HBS1L: variants seen among roughly 807,000 people sequenced by gnomAD.
HBS1L encodes HBS1-like protein.
Under a neutral mutation model 88.9 loss-of-function variants are expected in HBS1L, and 55 were observed. The ratio of observed to expected loss-of-function variants is 0.62; its 90% CI spans 0.50 to 0.77. The LOEUF (loss-of-function observed/expected upper bound fraction) is 0.77. HBS1L is among the 30% of genes least tolerant of loss of function. The pLI is 0.00. For missense variants in HBS1L, 741 were observed against 829.3 expected, an observed-to-expected ratio of 0.89 and a Z score of 1.31; for synonymous variants, 267 against 288.5, an observed-to-expected ratio of 0.93 and a Z score of 0.76.
At chr6:135,034,909 T>C (rs996427252) in intron 4 of HBS1L, among the ~76,000 whole-genome samples, 19 of 152,180 alleles carry the variant, frequency 1.2e-4, no homozygotes, top group Admixed American at 5.9e-4. Context: ...AAAATACACA[T>C]TCCCAAATGC....
rs1174601694 is a variant in HBS1L at position 135,015,882 on chromosome 6, CT to C, written c.431-13041del. On this transcript the variant is annotated intron_variant, in intron 4 of 17. Transcript: ENST00000367837. ...ATAGGCATGAGCTAACGAGCCCAGC[CT>C]TTTTTTTTTTTTTTTTTTCCAGACG... Among the ~76,000 whole-genome samples the C allele has an allele frequency of 3.6e-3, 421 of 116,930 alleles. 2 individuals carry two copies. Among genetic ancestry groups the C allele is most frequent in the African/African-American group, 5.5e-3 (167 of 30,224 alleles). 76.7% of individuals were successfully genotyped at this position (116,930 alleles called of 152,430 possible).
At position 134,995,808 on chromosome 6, in the gene HBS1L, T is replaced by C. The variant is rs1279258866; in HGVS notation, c.965+969A>G. The stretch of plus-strand genomic sequence containing the variant: ...ACTAGGATAGAAAACAGGTCTGTGA[T>C]ACTATAAAGAACTAAAGACACCCAC... On this transcript the variant is annotated intron_variant, in intron 7 of 17. Transcript: ENST00000367837. Among the ~76,000 whole-genome samples, 3 of 152,050 alleles carry C rather than the reference T, an allele frequency of 2.0e-5. No homozygotes were observed. In the East Asian group the frequency reaches 5.8e-4, roughly 29 times the overall value.
At chr6:134,996,373 G>GT (rs1226629487) in intron 7 of HBS1L, among the ~76,000 whole-genome samples, 2 of 152,114 alleles carry the variant, frequency 1.3e-5, no homozygotes, top group Non-Finnish European at 2.9e-5. Flanking sequence ...CACAGAAGAG[G>GT]TTTTATGACA....
intron 4 of HBS1L, chr6:135,037,579 G>A (rs554463115): frequency 1.3e-5 from 20 of 1,548,762 alleles, no homozygotes; most frequent in South Asian, 4.8e-5. Flanking sequence ...ATTATTCGGT[G>A]TTGTGCCCTT....
rs1451228106 is a variant in HBS1L at position 134,960,416 on chromosome 6, G to T, written c.*4863C>A. On this transcript the variant is annotated 3_prime_UTR_variant, in exon 18 of 18. Transcript: ENST00000367837. ...TGCTATTTAAGTCCTCTATGACCTTGTTTGTTTACATGATCTATAAGGCAG... is the reference window on the plus strand; with the variant it reads ...TGCTATTTAAGTCCTCTATGACCTTTTTTGTTTACATGATCTATAAGGCAG... 6.6e-6 allele frequency: 1 copy of T among 152,040 alleles called. No individual in the cohort carries two copies. The highest frequency in any genetic ancestry group is 1.5e-5 in the Non-Finnish European group (1 of 67,966). The allele number at this position is 152,040 out of a possible 1,614,324, so 9.4% of individuals were successfully genotyped here. A position where few individuals can be genotyped will look rare whatever the true frequency, so the allele number is the denominator to read the frequency against.
intron 8 of HBS1L, 52 bp downstream of exon 8, chr6:134,993,706 A>G: frequency 1.3e-6 from 1 of 760,862 alleles, no homozygotes; most frequent in Non-Finnish European, 2.0e-6. Flanking sequence ...AGCATCAGAA[A>G]ATTTTATGTA....
chr6:134,969,913 G>A (rs1774433240), intron 15 of HBS1L, among the ~76,000 whole-genome samples: 1 of 152,036 alleles, frequency 6.6e-6, no homozygotes, highest in Non-Finnish European at 1.5e-5. Flanking sequence ...CATATTCACA[G>A]TAATTAATGT....
chr6:135,052,325 C>T (rs770095602), intron 1 of HBS1L, among the ~76,000 whole-genome samples: 2 of 152,144 alleles, frequency 1.3e-5, no homozygotes, highest in Admixed American at 6.5e-5. Context: ...GGCCAGGCAT[C>T]GTGGCTCACA....
intron 4 of HBS1L, among the ~76,000 whole-genome samples, chr6:135,033,467 T>C (rs1776444321): frequency 6.6e-6 from 1 of 152,130 alleles, no homozygotes; most frequent in Non-Finnish European, 1.5e-5. Flanking sequence ...AAAGAGACTG[T>C]GACATTCCCT....
At chr6:135,031,912 C>G (rs1776397443) in intron 4 of HBS1L, among the ~76,000 whole-genome samples, 1 of 151,382 alleles carries the variant, frequency 6.6e-6, no homozygotes, top group Admixed American at 6.6e-5. Flanking sequence ...AGTGATAATC[C>G]CCCTGCCTCA....
At chr6:135,029,625 A>G (rs1313483016) in intron 4 of HBS1L, among the ~76,000 whole-genome samples, 1 of 152,190 alleles carries the variant, frequency 6.6e-6, no homozygotes, top group Non-Finnish European at 1.5e-5. Context: ...ATTTCTATTA[A>G]GGGCAATTAG....
At chr6:134,972,975 C>T (rs1023397589) in intron 15 of HBS1L, among the ~76,000 whole-genome samples, 2 of 152,166 alleles carry the variant, frequency 1.3e-5, no homozygotes, top group African/African-American at 2.4e-5. Context: ...GAAAATAGAA[C>T]CCTTATGCAC....
At chr6:135,040,759 T>C (rs571190489) in intron 3 of HBS1L, among the ~76,000 whole-genome samples, 37 of 152,326 alleles carry the variant, frequency 2.4e-4, no homozygotes, top group Middle Eastern at 6.8e-3. Context: ...ATAATACTTA[T>C]TAATGATTTA....
At chr6:135,040,957 T>G (rs1048895056) in intron 3 of HBS1L, among the ~76,000 whole-genome samples, 1 of 152,172 alleles carries the variant, frequency 6.6e-6, no homozygotes, top group Non-Finnish European at 1.5e-5. Context: ...ATGAGCTAGA[T>G]ATATCAAGCA....
chr6:135,035,479 G>A (rs532645070), intron 4 of HBS1L, among the ~76,000 whole-genome samples: 5 of 149,794 alleles, frequency 3.3e-5, no homozygotes, highest in East Asian at 2.0e-4. Context: ...AGTGGCTCAC[G>A]CCTGTAATCT....
chr6:135,019,918 T>C (rs75044770), intron 4 of HBS1L, among the ~76,000 whole-genome samples: 1 of 151,988 alleles, frequency 6.6e-6, no homozygotes, highest in East Asian at 1.9e-4. Flanking sequence ...GCTATGTAGA[T>C]GTATAACTAT....
intron 13 of HBS1L, among the ~76,000 whole-genome samples, chr6:134,980,768 A>G (rs1360910688): frequency 2.0e-5 from 3 of 148,850 alleles, no homozygotes; most frequent in African/African-American, 7.4e-5. Flanking sequence ...AAAAAAAAAA[A>G]GTAATTTAGA....
intron 5 of HBS1L, among the ~76,000 whole-genome samples, chr6:135,002,021 C>A (rs1775475746): frequency 6.6e-6 from 1 of 151,522 alleles, no homozygotes; most frequent in Non-Finnish European, 1.5e-5. Flanking sequence ...TATTTGATAA[C>A]AGCGTTTATC....
chr6:134,969,180 A>T, intron 16 of HBS1L, 58 bp downstream of exon 16: 2 of 1,084,284 alleles, frequency 1.8e-6, no homozygotes, highest in Non-Finnish European at 2.9e-6. Context: ...CAAATGAGTT[A>T]ATCTTTAAAA....
Sources: allele counts gnomAD v4.1 joint callset (sites outside exome capture counted in the v4.1 genomes callset), GRCh38; gene constraint gnomAD v4.1.1; transcripts MANE v1.5; gene names NCBI Gene and HGNC (gene_info 2026-07-23, HGNC 2026-07-21).